The following DUSP16 variants were observed in gnomAD, a reference collection of about 807,000 sequenced individuals.
DUSP16 encodes the protein dual specificity phosphatase 16, also known as dual specificity protein phosphatase 16.
In DUSP16, 21 loss-of-function variants were observed where a neutral mutation model predicts 58.3. The observed-to-expected ratio is 0.36, with a 90% CI of 0.26 to 0.52. The LOEUF (loss-of-function observed/expected upper bound fraction) is 0.52. Among genes scored for constraint, DUSP16 ranks in the 20% least tolerant of loss-of-function variants. The pLI, the probability that DUSP16 is intolerant of heterozygous loss-of-function variation, is 0.94. For missense variants in DUSP16, 726 were observed against 819.0 expected, an observed-to-expected ratio of 0.89 and a Z score of 1.39; for synonymous variants, 320 against 323.8, an observed-to-expected ratio of 0.99 and a Z score of 0.12.
chr12:12,524,569 T>C (rs1409738224), intron 1 of DUSP16, among the ~76,000 whole-genome samples: 7 of 152,232 alleles, frequency 4.6e-5, no homozygotes, highest in Non-Finnish European at 1.0e-4. Flanking sequence ...TCCTTTGCAT[T>C]AGGTAAGATT....
At position 12,487,036 on chromosome 12, in the gene DUSP16, TCTA is replaced by T; in HGVS notation, c.680_682del (p.Val227del). ...TTATTTGAGCTACTTACCAATGAAA[TCTA>T]CTGATTTGTCCAACCACGGCAAAAT... On this transcript the variant is annotated inframe_deletion, in exon 5 of 7. Transcript: ENST00000298573. The T allele has an allele frequency of 1.2e-5, 19 of 1,613,962 alleles. No individual in the cohort carries two copies. The highest frequency in any genetic ancestry group is 1.6e-5 in the Non-Finnish European group (19 of 1,179,886).
At chr12:12,480,774 G>A (rs1197361576) in intron 5 of DUSP16, among the ~76,000 whole-genome samples, 2 of 152,106 alleles carry the variant, frequency 1.3e-5, no homozygotes, top group Admixed American at 6.5e-5. Context: ...GCCCAGGCTG[G>A]AGTGCACGAT....
chr12:12,554,740 T>C (rs2136271891), intron 1 of DUSP16: 1 of 152,262 alleles, frequency 6.6e-6, no homozygotes, highest in Admixed American at 6.5e-5. Flanking sequence ...GCTGAAAACA[T>C]TATGGTTGTA....
chr12:12,500,881 T>C (rs1340986900), intron 3 of DUSP16, among the ~76,000 whole-genome samples, 199 bp from the exon 4 acceptor site: 1 of 152,188 alleles, frequency 6.6e-6, no homozygotes, highest in East Asian at 1.9e-4. Flanking sequence ...ACCATGGGGA[T>C]AGGCAAGTCC....
At chr12:12,530,617 C>G (rs547496135) in intron 1 of DUSP16, among the ~76,000 whole-genome samples, 1 of 152,068 alleles carries the variant, frequency 6.6e-6, no homozygotes, top group Non-Finnish European at 1.5e-5. Flanking sequence ...AAATTTAGTA[C>G]AATTTCTTCC....
intron 1 of DUSP16, among the ~76,000 whole-genome samples, chr12:12,525,664 A>G (rs1377148720): frequency 6.6e-6 from 1 of 152,016 alleles, no homozygotes; most frequent in African/African-American, 2.4e-5. Flanking sequence ...CTTGAGTCCA[A>G]GAGTTCAAGA....
At chr12:12,524,488 G>C (rs1944275589) in intron 1 of DUSP16, among the ~76,000 whole-genome samples, 1 of 152,186 alleles carries the variant, frequency 6.6e-6, no homozygotes, top group Non-Finnish European at 1.5e-5. Flanking sequence ...GAGAATTTTG[G>C]TTAAATCTCC....
chr12:12,557,369 A>G (rs1031324146), intron 1 of DUSP16, among the ~76,000 whole-genome samples: 10 of 151,562 alleles, frequency 6.6e-5, no homozygotes, highest in African/African-American at 2.4e-4. Context: ...AGGAAGGGGA[A>G]TCGCTTGAAC....
At chr12:12,504,889 A>G (rs1474370050) in intron 3 of DUSP16, among the ~76,000 whole-genome samples, 1 of 152,106 alleles carries the variant, frequency 6.6e-6, no homozygotes, top group Admixed American at 6.5e-5. Flanking sequence ...AAAAATACAT[A>G]CATACATCCA....
At chr12:12,533,076 G>T (rs1427942237) in intron 1 of DUSP16, among the ~76,000 whole-genome samples, 3 of 152,050 alleles carry the variant, frequency 2.0e-5, no homozygotes, top group African/African-American at 4.8e-5. Context: ...GAGGGGTGGG[G>T]GAAGTGAGAA....
At chr12:12,533,019 AG>A (rs1278871003) in intron 1 of DUSP16, among the ~76,000 whole-genome samples, 2 of 152,074 alleles carry the variant, frequency 1.3e-5, no homozygotes, top group Non-Finnish European at 2.9e-5. Flanking sequence ...TCAAGGTAAA[AG>A]CTGAAATGGA....
chr12:12,483,053 T>A (rs768231136), intron 5 of DUSP16, among the ~76,000 whole-genome samples: 2 of 152,128 alleles, frequency 1.3e-5, no homozygotes, highest in Non-Finnish European at 2.9e-5. Context: ...CCTCTTCAGG[T>A]TTCTGAATAA....
At position 12,544,155 on chromosome 12, in the gene DUSP16, C is replaced by T. The variant is rs1279372197; in HGVS notation, c.-366+17962G>A. Reference sequence around the variant, plus strand: ...GTTGGCTTCATATGTCTTCCTACTACTAATCTCTCTCCCCAAAGGTAACCA... The same window carrying T: ...GTTGGCTTCATATGTCTTCCTACTATTAATCTCTCTCCCCAAAGGTAACCA... On this transcript the variant is annotated intron_variant, in intron 1 of 6. Coordinates refer to ENST00000298573, the MANE Select transcript of DUSP16 (RefSeq NM_030640.3). Among the ~76,000 whole-genome samples, 65 of 152,136 alleles carry T rather than the reference C, an allele frequency of 4.3e-4. 2 individuals are homozygous for T. Among genetic ancestry groups the T allele is most frequent in the Admixed American group, 4.1e-3 (63 of 15,270 alleles).
At position 12,562,578 on chromosome 12, in the gene DUSP16, G is replaced by C. The variant is rs1592221740; in HGVS notation, c.-827C>G. Among the ~76,000 whole-genome samples the C allele has an allele frequency of 6.7e-6, 1 of 149,720 alleles. No homozygotes were observed. On this transcript the variant is annotated 5_prime_UTR_variant, in exon 1 of 7. Transcript: ENST00000298573. Reference sequence around the variant, plus strand: ...GGGAAAGGCGGGGGGGTGGGGTGGGGGGTTGGGGGAAAGAGAAAGAGTCGC... The same window carrying C: ...GGGAAAGGCGGGGGGGTGGGGTGGGCGGTTGGGGGAAAGAGAAAGAGTCGC...
Position 12,562,718 on chromosome 12 carries a change from C to T in DUSP16, c.-967G>A, listed in dbSNP as rs962444901. On this transcript the variant is annotated 5_prime_UTR_variant, in exon 1 of 7. Coordinates refer to ENST00000298573, the MANE Select transcript of DUSP16 (RefSeq NM_030640.3). ...GCGGAGCCCCGGGGAAAGGAGGAGACAGGCGAGGGCAGGGCGGTGGGCGCC... is the reference window on the plus strand; with the variant it reads ...GCGGAGCCCCGGGGAAAGGAGGAGATAGGCGAGGGCAGGGCGGTGGGCGCC... 6.6e-6 allele frequency among the ~76,000 whole-genome samples: 1 copy of T among 151,578 alleles called. No homozygotes were observed. Among genetic ancestry groups the T allele is most frequent in the Non-Finnish European group, 1.5e-5 (1 of 67,774 alleles).
chr12:12,561,519 G>T (rs144965501), intron 1 of DUSP16, among the ~76,000 whole-genome samples: 5 of 152,166 alleles, frequency 3.3e-5, no homozygotes, highest in African/African-American at 1.2e-4. Context: ...TGTAAATAAA[G>T]AAGTCACTAG....
intron 4 of DUSP16, among the ~76,000 whole-genome samples, chr12:12,498,759 T>A (rs1943869281): frequency 6.6e-6 from 1 of 152,180 alleles, no homozygotes; most frequent in South Asian, 2.1e-4. Flanking sequence ...AATAGTTTAT[T>A]CTTATTTCTC....
chr12:12,477,582 A>G lies in DUSP16; in HGVS notation c.1249T>C (p.Leu417=), dbSNP rs1324447041. 1.9e-6 allele frequency: 3 copies of G among 1,613,954 alleles called. No homozygotes were observed. Among genetic ancestry groups the G allele is most frequent in the Non-Finnish European group, 2.5e-6 (3 of 1,179,962 alleles). The part of the protein sequence containing the change: ...VSYSASMAAS[L]HGFSSSEDAL... ...TCTTCTGATGAGGAGAAGCCATGTA[A>G]GGATGCTGCCATGCTGGCTGAATAT... Residue 417 remains leucine (L), a synonymous_variant, in exon 7 of 7, where the codon TTA becomes CTA. Coordinates refer to ENST00000298573, the MANE Select transcript of DUSP16 (RefSeq NM_030640.3). This position sits in a 1 kb window ranked among gnomAD's most constrained non-coding sequence, Gnocchi z 4.1.
At chr12:12,540,943 T>C (rs1478715345) in intron 1 of DUSP16, among the ~76,000 whole-genome samples, 2 of 100,184 alleles carry the variant, frequency 2.0e-5, no homozygotes, top group African/African-American at 4.0e-5. Context: ...TCTTTTCTTT[T>C]CTTTTCTTTT....
Sources: allele counts gnomAD v4.1 joint callset (sites outside exome capture counted in the v4.1 genomes callset), GRCh38; gene constraint gnomAD v4.1.1; non-coding constraint Gnocchi (gnomAD v3.1); transcripts MANE v1.5; gene names NCBI Gene and HGNC (gene_info 2026-07-23, HGNC 2026-07-21).